Variants in KIF25 observed in about 807,000 individuals in gnomAD.
The protein encoded by KIF25 is kinesin family member 25.
A neutral mutation model predicts 32.9 loss-of-function variants in KIF25; 19 were observed. That is an observed-to-expected ratio of 0.58 (90% confidence interval 0.40 to 0.85). KIF25 has a LOEUF of 0.85. Among genes scored for constraint, KIF25 ranks in the 40% least tolerant of loss-of-function variants. The pLI is 0.00. For synonymous variants in KIF25, 225 were observed against 213.7 expected (o/e 1.05, Z -0.46); for missense variants, 485 against 507.0 (o/e 0.96, Z 0.42).
rs139595539 is a variant in KIF25 at position 168,040,136 on chromosome 6, C to T, written c.566C>T (p.Thr189Ile). 45 of 1,613,996 alleles carry T rather than the reference C, an allele frequency of 2.8e-5. No individual in the cohort carries two copies. In the Middle Eastern group the frequency reaches 1.2e-3, roughly 41 times the overall value. ...CTGCAGCTCAGGGCGAAGCACCCCA[C>T]CCTGGTGCACGCGGATTCCTCCAGG... Reference protein sequence around the residue: ...GGLQLRAKHPTLVHADSSRSH... With the variant: ...GGLQLRAKHPILVHADSSRSH... Residue 189 changes from threonine (T) to isoleucine (I), a missense_variant, in exon 10 of 13, where the codon ACC (threonine) becomes ATC (isoleucine). By Grantham distance (89) the Thr-to-Ile change is moderately conservative. Coordinates refer to ENST00000643607, the MANE Select transcript of KIF25 (RefSeq NM_030615.4).
At chr6:168,035,601 G>T (rs115673721) in intron 8 of KIF25, 1 of 431,190 alleles carries the variant, frequency 2.3e-6, no homozygotes, top group Non-Finnish European at 4.7e-6. Flanking sequence ...TGGCCAGGCG[G>T]CTGCGCCTCT....
At chr6:168,007,628 T>C (rs1372837915) in intron 4 of KIF25, among the ~76,000 whole-genome samples, 1 of 152,094 alleles carries the variant, frequency 6.6e-6, no homozygotes, top group East Asian at 1.9e-4. Flanking sequence ...TGGCCGAAAA[T>C]AGCTGGAGGT....
At chr6:168,042,849 G>T in intron 12 of KIF25, 133 bp downstream of exon 12, 1 of 1,065,314 alleles carries the variant, frequency 9.4e-7, no homozygotes, top group East Asian at 2.6e-5. Flanking sequence ...GCTGTGGCTA[G>T]CTGGCACTCC....
chr6:168,004,325 C>T (rs547983937), intron 4 of KIF25, among the ~76,000 whole-genome samples: 15 of 152,230 alleles, frequency 9.9e-5, no homozygotes, highest in Middle Eastern at 3.4e-3. Flanking sequence ...TCCCTCAACG[C>T]GGGATAGAAG....
chr6:168,024,189 AT>A (rs1232779766), intron 5 of KIF25, among the ~76,000 whole-genome samples: 2 of 152,230 alleles, frequency 1.3e-5, no homozygotes, highest in African/African-American at 4.8e-5. Flanking sequence ...ATAGAGAAAA[AT>A]GATACTTTTT....
chr6:168,033,093 T>C (rs1798964124), intron 7 of KIF25, among the ~76,000 whole-genome samples: 1 of 152,202 alleles, frequency 6.6e-6, no homozygotes, highest in Non-Finnish European at 1.5e-5. Context: ...TTGAGAGTCT[T>C]GGGGCCGAGA....
At chr6:168,039,593 C>T (rs373384355) in intron 9 of KIF25, among the ~76,000 whole-genome samples, 5 of 152,226 alleles carry the variant, frequency 3.3e-5, no homozygotes, top group Admixed American at 1.3e-4. Context: ...GATACGGTCA[C>T]ACAAAGTCGC....
intron 4 of KIF25, among the ~76,000 whole-genome samples, chr6:168,013,570 G>T (rs1443011006): frequency 2.6e-5 from 4 of 152,132 alleles, no homozygotes; most frequent in Non-Finnish European, 4.4e-5. Flanking sequence ...CACACCTTGT[G>T]CTCCTAATCT....
chr6:168,020,205 G>A (rs1198727204), intron 5 of KIF25, among the ~76,000 whole-genome samples: 1 of 152,098 alleles, frequency 6.6e-6, no homozygotes, highest in Non-Finnish European at 1.5e-5. Context: ...ACACGTTGAA[G>A]ACTCAGGGTC....
In KIF25 at chr6:168,030,831, A is replaced by G. The variant is rs754299875; in HGVS notation, c.151A>G (p.Thr51Ala). The change falls in exon 7 of 13, where the codon ACT becomes GCT. Residue 51 changes from threonine (T) to alanine (A), a missense_variant. Coordinates refer to ENST00000643607, the MANE Select transcript of KIF25 (RefSeq NM_030615.4). The stretch of plus-strand genomic sequence containing the variant: ...CTTTGGAGATGTGTGCCCCCTACTC[A>G]CTTCTCTCTTGGATGGGTGAGTTAA... Reference protein sequence around the residue: ...AVFGDVCPLLTSLLDGYNVCV... With the variant: ...AVFGDVCPLLASLLDGYNVCV... The G allele has an allele frequency of 1.2e-6, 2 of 1,612,606 alleles. No individual in the cohort carries two copies. The highest frequency in any genetic ancestry group is 1.3e-5 in the African/African-American group (1 of 74,774).
intron 12 of KIF25, 109 bp from the exon 13 acceptor site, chr6:168,044,718 C>T (rs1415783313): frequency 7.7e-6 from 9 of 1,162,676 alleles, no homozygotes; most frequent in South Asian, 4.5e-5. Context: ...GCTGGGGCGC[C>T]GGGCGGCCCT....
At chr6:168,041,702 C>A (rs1219851581) in intron 10 of KIF25, among the ~76,000 whole-genome samples, 1 of 152,188 alleles carries the variant, frequency 6.6e-6, no homozygotes, top group African/African-American at 2.4e-5. Context: ...ATTACCAAGT[C>A]TTCCTAAGAA....
At position 168,030,779 on chromosome 6, in the gene KIF25, T is replaced by C. The variant is rs34344055; in HGVS notation, c.99T>C (p.Tyr33=). 259 of 1,611,192 alleles carry C rather than the reference T, an allele frequency of 1.6e-4. 2 individuals are homozygous for C. In the African/African-American group the frequency reaches 3.3e-3, roughly 20 times the overall value. The change falls in exon 7 of 13, where the codon TAT becomes TAC. Residue 33 remains tyrosine, a synonymous_variant. Transcript: ENST00000643607. ...TTTTCACTTTGTCTCTCAGGGTTTA[T>C]GGTCCAGCAGAGTCTCAGAGCGCGG... is the stretch of plus-strand genomic sequence containing the variant. ...AFPDDKDLRV[Y]GPAESQSAVF... is the part of the protein sequence containing the mutation.
intron 5 of KIF25, among the ~76,000 whole-genome samples, chr6:168,022,765 G>T (rs1252675105): frequency 3.0e-4 from 39 of 129,132 alleles, no homozygotes; most frequent in African/African-American, 1.0e-3. Flanking sequence ...GTTTGTTGTT[G>T]TTGTTTTTTT....
chr6:168,016,940 A>G (rs2114880501), intron 4 of KIF25, among the ~76,000 whole-genome samples: 1 of 152,358 alleles, frequency 6.6e-6, no homozygotes, highest in East Asian at 1.9e-4. Context: ...GAGCTGCCCC[A>G]CTGAGAGACA....
In KIF25 at chr6:168,030,818, G is replaced by A. The variant is rs34981094; in HGVS notation, c.138G>A (p.Val46=). Residue 46 remains valine (V), a synonymous_variant, in exon 7 of 13, where the codon GTG becomes GTA. Transcript: ENST00000643607. ...CTCAGAGCGCGGTCTTTGGAGATGT[G>A]TGCCCCCTACTCACTTCTCTCTTGG... is the stretch of plus-strand genomic sequence containing the variant. ...AESQSAVFGD[V]CPLLTSLLDG... is the part of the protein sequence containing the mutation. The A allele has an allele frequency of 7.7e-3, 12,479 of 1,613,160 alleles. 77 individuals carry two copies. The highest frequency in any genetic ancestry group is 8.5e-3 in the Non-Finnish European group (10,052 of 1,179,460).
intron 5 of KIF25, among the ~76,000 whole-genome samples, chr6:168,022,531 T>C (rs1397295526): frequency 6.6e-6 from 1 of 152,210 alleles, no homozygotes; most frequent in Non-Finnish European, 1.5e-5. Context: ...CCTCAAGTGA[T>C]TGTCCCACCT....
chr6:168,033,393 GGGA>G (rs1798968203), intron 7 of KIF25, among the ~76,000 whole-genome samples: 1 of 151,976 alleles, frequency 6.6e-6, no homozygotes, highest in South Asian at 2.1e-4. Flanking sequence ...CTAGCTACTT[GGGA>G]GGCTTAGGCA....
chr6:168,035,461 CGG>C (rs200000338), intron 8 of KIF25, among the ~76,000 whole-genome samples: 1 of 68,978 alleles, frequency 1.4e-5, no homozygotes, highest in Non-Finnish European at 2.8e-5. Flanking sequence ...AACGGCGCTG[CGG>C]GGGGGGCGGG....
Sources: allele counts gnomAD v4.1 joint callset (sites outside exome capture counted in the v4.1 genomes callset), GRCh38; gene constraint gnomAD v4.1.1; transcripts MANE v1.5; gene names NCBI Gene and HGNC (gene_info 2026-07-23, HGNC 2026-07-21).